Variants in MCOLN2 observed in about 807,000 individuals in gnomAD.
MCOLN2 encodes the protein mucolipin-2.
MCOLN2 carries 57 observed loss-of-function variants against 67.5 expected under a neutral mutation model. The observed-to-expected ratio is 0.84, with a 90% CI of 0.68 to 1.05. MCOLN2 has a LOEUF of 1.05. Among genes scored for constraint, MCOLN2 ranks in the 50% least tolerant of loss-of-function variants. MCOLN2 has a pLI of 0.00. For missense variants in MCOLN2, 620 were observed against 678.8 expected (o/e 0.91, Z 0.96); for synonymous variants, 246 against 233.3 (o/e 1.05, Z -0.50).
chr1:84,966,497 G>GA (rs1649389371), intron 1 of MCOLN2, among the ~76,000 whole-genome samples: 1 of 151,988 alleles, frequency 6.6e-6, no homozygotes, highest in South Asian at 2.1e-4. Flanking sequence ...TGACATTACA[G>GA]AAAATTAGTA....
At chr1:84,948,010 G>C (rs775111881) in intron 6 of MCOLN2, among the ~76,000 whole-genome samples, 3 of 152,374 alleles carry the variant, frequency 2.0e-5, no homozygotes, top group Non-Finnish European at 4.4e-5. Context: ...TGCTGTGCTT[G>C]TGCACACTTG....
At chr1:84,983,713 G>A (rs1650371051) in intron 1 of MCOLN2, among the ~76,000 whole-genome samples, 1 of 128,334 alleles carries the variant, frequency 7.8e-6, no homozygotes, top group Non-Finnish European at 1.6e-5. Context: ...GTCTTGCCCT[G>A]TCACCCAGGC....
chr1:84,950,570 A>T (rs996760442), intron 6 of MCOLN2, among the ~76,000 whole-genome samples: 3 of 152,218 alleles, frequency 2.0e-5, no homozygotes. Context: ...AAATGCCCTC[A>T]ATCTTCTACC....
At chr1:84,926,780 G>A (rs1661180872) in intron 13 of MCOLN2, 59 bp from the exon 14 acceptor site, 1 of 1,317,954 alleles carries the variant, frequency 7.6e-7, no homozygotes, top group Non-Finnish European at 1.1e-6. Flanking sequence ...CATCTTTGAG[G>A]AGCAATAGGA....
chr1:84,973,341 G>A (rs770675830), intron 1 of MCOLN2, among the ~76,000 whole-genome samples: 46 of 152,112 alleles, frequency 3.0e-4, no homozygotes, highest in Admixed American at 5.2e-4. Flanking sequence ...AGCCCAGTGT[G>A]GTGGTGGATG....
In MCOLN2 at chr1:84,996,393, C is replaced by CATATATATAT. The variant is rs6143310; in HGVS notation, c.77+393_77+402dup. On this transcript the variant is annotated intron_variant, in intron 1 of 13. Transcript: ENST00000370608. Reference sequence around the variant, plus strand: ...CACACTTACACATACGTATATATTTCATATATATATATATATATATATATA... The same window carrying CATATATATAT: ...CACACTTACACATACGTATATATTTCATATATATATATATATATATATATATATATATATA... Among the ~76,000 whole-genome samples the CATATATATAT allele has an allele frequency of 9.8e-3, 1,211 of 123,318 alleles. 25 individuals carry two copies. The highest frequency in any genetic ancestry group is 0.013 in the Non-Finnish European group (763 of 60,096). The allele number at this position is 123,318 out of a possible 152,430, so 80.9% of individuals were successfully genotyped here. A position where few individuals can be genotyped will look rare whatever the true frequency, so the allele number is the denominator to read the frequency against.
intron 1 of MCOLN2, among the ~76,000 whole-genome samples, chr1:84,996,376 C>A (rs1651147456): frequency 7.1e-6 from 1 of 140,584 alleles, no homozygotes. Context: ...CACACACTTA[C>A]ACATACGTAT....
At chr1:84,996,079 T>A (rs1651133289) in intron 1 of MCOLN2, among the ~76,000 whole-genome samples, 2 of 152,044 alleles carry the variant, frequency 1.3e-5, no homozygotes, top group South Asian at 4.2e-4. Context: ...CAGGCTAAAG[T>A]CTCAAGAAAC....
chr1:84,959,685 A>T (rs1311522214), intron 2 of MCOLN2, among the ~76,000 whole-genome samples: 1 of 152,080 alleles, frequency 6.6e-6, no homozygotes, highest in Non-Finnish European at 1.5e-5. Flanking sequence ...TCCCTAAGTG[A>T]TTTCTTCAGC....
chr1:84,956,338 A>G, intron 4 of MCOLN2, 93 bp downstream of exon 4: 1 of 1,345,214 alleles, frequency 7.4e-7, no homozygotes, highest in Non-Finnish European at 1.0e-6. Context: ...TCACCAAAGC[A>G]AAGTTTTTCC....
At chr1:84,955,791 G>T (rs1648750228) in intron 4 of MCOLN2, among the ~76,000 whole-genome samples, 1 of 152,084 alleles carries the variant, frequency 6.6e-6, no homozygotes, top group South Asian at 2.1e-4. Context: ...GATTATTACA[G>T]TATGATATGA....
At chr1:84,977,232 CA>C (rs972049297) in intron 1 of MCOLN2, among the ~76,000 whole-genome samples, 23 of 151,148 alleles carry the variant, frequency 1.5e-4, no homozygotes, top group African/African-American at 5.6e-4. Flanking sequence ...AACCTCAAAC[CA>C]AAAAATATAC....
chr1:84,978,272 A>C (rs1399560787), intron 1 of MCOLN2, among the ~76,000 whole-genome samples: 1 of 117,816 alleles, frequency 8.5e-6, no homozygotes, highest in Non-Finnish European at 1.9e-5. Flanking sequence ...TTAACTGCCT[A>C]CTTCAAAAAA....
chr1:84,987,494 G>GTATATATAGATATATATACATA lies in MCOLN2; in HGVS notation c.77+9301_77+9302insTATGTATATATATCTATATATA, dbSNP rs371006356. Among the ~76,000 whole-genome samples the GTATATATAGATATATATACATA allele has an allele frequency of 3.5e-4, 19 of 53,562 alleles. 1 individual carries two copies. The highest frequency in any genetic ancestry group is 1.2e-3 in the African/African-American group (17 of 13,798). The allele number at this position is 53,562 out of a possible 152,430, so 35.1% of individuals were successfully genotyped here. A position where few individuals can be genotyped will look rare whatever the true frequency, so the allele number is the denominator to read the frequency against. On this transcript the variant is annotated intron_variant, in intron 1 of 13. Transcript: ENST00000370608. ...TAGATATATATACATATATACATATGTATACATAGATGTATACATATGTAT... is the reference window on the plus strand; with the variant it reads ...TAGATATATATACATATATACATATGTATATATAGATATATATACATATATACATAGATGTATACATATGTAT...
At chr1:84,952,786 A>G (rs1396251048) in intron 4 of MCOLN2, among the ~76,000 whole-genome samples, 2 of 152,248 alleles carry the variant, frequency 1.3e-5, no homozygotes, top group Non-Finnish European at 2.9e-5. Context: ...TCCTGATACA[A>G]TGAACTGAGA....
intron 1 of MCOLN2, among the ~76,000 whole-genome samples, chr1:84,991,142 G>A (rs561476495): frequency 1.3e-5 from 2 of 151,962 alleles, no homozygotes; most frequent in African/African-American, 4.8e-5. Context: ...AGTTAAAATG[G>A]GCCATTTCAA....
intron 3 of MCOLN2, among the ~76,000 whole-genome samples, chr1:84,957,612 C>T (rs114229971): frequency 0.016 from 2,361 of 152,256 alleles, 39 homozygotes; most frequent in Non-Finnish European, 0.024. Context: ...TAATCAAGCT[C>T]CCCTCACATT....
At chr1:84,981,612 A>G (rs556735723) in intron 1 of MCOLN2, among the ~76,000 whole-genome samples, 74 of 152,302 alleles carry the variant, frequency 4.9e-4, no homozygotes, top group African/African-American at 1.6e-3. Flanking sequence ...CAAAACAATT[A>G]AATTCATGGA....
At chr1:84,927,683 C>G (rs1482165793) in intron 13 of MCOLN2, among the ~76,000 whole-genome samples, 7 of 152,242 alleles carry the variant, frequency 4.6e-5, no homozygotes, top group Admixed American at 4.6e-4. Flanking sequence ...GGTCACCAGA[C>G]AGGGGGCACA....
Sources: allele counts gnomAD v4.1 joint callset (sites outside exome capture counted in the v4.1 genomes callset), GRCh38; gene constraint gnomAD v4.1.1; transcripts MANE v1.5; gene names NCBI Gene and HGNC (gene_info 2026-07-23, HGNC 2026-07-21).